Variants in SUMF1 observed in about 807,000 individuals in gnomAD.
SUMF1 encodes sulfatase modifying factor 1.
SUMF1 carries 48 observed loss-of-function variants against 47.6 expected under a neutral mutation model. That is an observed-to-expected ratio of 1.01 (90% CI 0.80 to 1.28). The LOEUF (loss-of-function observed/expected upper bound fraction) is 1.28. Among genes scored for constraint, SUMF1 ranks in the 50% most tolerant of loss-of-function variants. The probability of loss-of-function intolerance (pLI) is 0.00; values close to 1 mark genes in which losing one functional copy is unlikely to be tolerated. For missense variants in SUMF1, 571 were observed against 485.4 expected, an observed-to-expected ratio of 1.18 and a Z score of -1.66; for synonymous variants, 230 against 192.1, an observed-to-expected ratio of 1.20 and a Z score of -1.63.
At chr3:4,210,233 T>G (rs1343090668) in intron 8 of SUMF1, among the ~76,000 whole-genome samples, 1 of 152,170 alleles carries the variant, frequency 6.6e-6, no homozygotes, top group Non-Finnish European at 1.5e-5. Context: ...CTCCTCAAAA[T>G]GTATCCATAA....
chr3:4,451,609 GA>G (rs1384618228), intron 2 of SUMF1, among the ~76,000 whole-genome samples: 1 of 152,142 alleles, frequency 6.6e-6, no homozygotes, highest in Non-Finnish European at 1.5e-5. Context: ...GTAAACTATT[GA>G]GGAACCTGAG....
At chr3:4,067,180 A>G (rs1263365593) in intron 9 of SUMF1, among the ~76,000 whole-genome samples, 1 of 152,164 alleles carries the variant, frequency 6.6e-6, no homozygotes, top group Non-Finnish European at 1.5e-5. Flanking sequence ...TTCTTTGGGC[A>G]TTAGCATCTC....
At chr3:4,093,088 G>C (rs539861199) in intron 8 of SUMF1, among the ~76,000 whole-genome samples, 78 of 152,176 alleles carry the variant, frequency 5.1e-4, no homozygotes, top group African/African-American at 1.7e-3. Context: ...TTGTAGTTGG[G>C]TGTTCTTGGG....
intron 8 of SUMF1, among the ~76,000 whole-genome samples, chr3:4,373,195 G>A (rs1021786127): frequency 2.0e-4 from 16 of 81,180 alleles, no homozygotes; most frequent in Admixed American, 4.1e-4. Context: ...GTATGTAATC[G>A]AAAAGAAGAC....
chr3:4,065,645 G>A (rs945621811), intron 9 of SUMF1, among the ~76,000 whole-genome samples: 2 of 151,888 alleles, frequency 1.3e-5, no homozygotes, highest in Admixed American at 6.6e-5. Flanking sequence ...AATTTAAAAG[G>A]ATTTGGCAGA....
At chr3:4,327,889 A>G (rs1222344611) in intron 8 of SUMF1, among the ~76,000 whole-genome samples, 2 of 152,236 alleles carry the variant, frequency 1.3e-5, no homozygotes, top group African/African-American at 4.8e-5. Context: ...AAAATAAGTC[A>G]TTAGTTTAGC....
chr3:4,432,391 T>C (rs1339417392), intron 3 of SUMF1, among the ~76,000 whole-genome samples: 3 of 152,064 alleles, frequency 2.0e-5, no homozygotes, highest in Middle Eastern at 6.8e-3. Context: ...AGAACCAGAG[T>C]GGTCTCTTTA....
At chr3:4,254,002 C>G (rs562628311) in intron 8 of SUMF1, among the ~76,000 whole-genome samples, 2 of 151,048 alleles carry the variant, frequency 1.3e-5, no homozygotes, top group Admixed American at 6.6e-5. Flanking sequence ...AGCAAGGGCA[C>G]ACTGACACCA....
intron 8 of SUMF1, among the ~76,000 whole-genome samples, chr3:4,147,391 A>T (rs1361128594): frequency 6.6e-6 from 1 of 152,152 alleles, no homozygotes; most frequent in African/African-American, 2.4e-5. Flanking sequence ...CACTATTCAC[A>T]ATAGCAAAGA....
chr3:4,310,906 A>T (rs1199234053), intron 8 of SUMF1, among the ~76,000 whole-genome samples: 1 of 152,230 alleles, frequency 6.6e-6, no homozygotes, highest in African/African-American at 2.4e-5. Flanking sequence ...AGTACTTTTT[A>T]AAATGTCTCA....
chr3:4,259,784 G>C (rs1026121334), intron 8 of SUMF1, among the ~76,000 whole-genome samples: 1 of 152,084 alleles, frequency 6.6e-6, no homozygotes, highest in Non-Finnish European at 1.5e-5. Flanking sequence ...GATTACAAAA[G>C]TATCATTTGC....
intron 8 of SUMF1, among the ~76,000 whole-genome samples, chr3:4,160,882 G>A (rs894617810): frequency 1.3e-5 from 2 of 152,056 alleles, no homozygotes; most frequent in Non-Finnish European, 2.9e-5. Context: ...TGATGCTTGT[G>A]GATGTTGTTT....
chr3:4,368,497 A>T (rs1302445563), intron 8 of SUMF1, among the ~76,000 whole-genome samples: 1 of 152,130 alleles, frequency 6.6e-6, no homozygotes, highest in East Asian at 1.9e-4. Context: ...GTATATACCC[A>T]AAGGACTATA....
At chr3:4,227,947 A>G (rs1446950703) in intron 8 of SUMF1, among the ~76,000 whole-genome samples, 3 of 152,152 alleles carry the variant, frequency 2.0e-5, no homozygotes, top group East Asian at 3.9e-4. Flanking sequence ...AAGAAGTAAT[A>G]CTTAGGTTAA....
At chr3:4,146,005 G>A (rs1694185233) in intron 8 of SUMF1, among the ~76,000 whole-genome samples, 1 of 152,122 alleles carries the variant, frequency 6.6e-6, no homozygotes, top group Non-Finnish European at 1.5e-5. Context: ...GGGTCTCCCT[G>A]TTGTGTCGAC....
At chr3:4,277,897 C>G (rs1385659535) in intron 8 of SUMF1, among the ~76,000 whole-genome samples, 1 of 151,958 alleles carries the variant, frequency 6.6e-6, no homozygotes, top group African/African-American at 2.4e-5. Context: ...ACGTGGTAAT[C>G]TAATCATCAC....
intron 1 of SUMF1, among the ~76,000 whole-genome samples, chr3:4,453,898 C>T (rs1025580866): frequency 2.0e-5 from 3 of 151,878 alleles, no homozygotes; most frequent in South Asian, 2.1e-4. Context: ...GCAACTCCTG[C>T]GCTCAAGTGA....
chr3:4,050,559 T>C (rs938306355), intron 9 of SUMF1, among the ~76,000 whole-genome samples: 1 of 151,018 alleles, frequency 6.6e-6, no homozygotes, highest in African/African-American at 2.4e-5. Context: ...CTGGGCAACA[T>C]AGCAAGACCC....
At chr3:4,377,890 A>C (rs1700379534) in intron 7 of SUMF1, among the ~76,000 whole-genome samples, 1 of 152,056 alleles carries the variant, frequency 6.6e-6, no homozygotes, top group African/African-American at 2.4e-5. Flanking sequence ...GGACAACCCC[A>C]CTCCTATCTT....
Sources: allele counts gnomAD v4.1 joint callset (sites outside exome capture counted in the v4.1 genomes callset), GRCh38; gene constraint gnomAD v4.1.1; transcripts MANE v1.5; gene names NCBI Gene and HGNC (gene_info 2026-07-23, HGNC 2026-07-21).